The following GMCL1 variants were observed in gnomAD, a reference collection of about 807,000 sequenced individuals.
GMCL1 encodes the protein germ cell-less 1, spermatogenesis associated, also known as germ cell-less protein-like 1.
Under a neutral mutation model 75.5 loss-of-function variants are expected in GMCL1, and 54 were observed. The observed-to-expected ratio is 0.71, with a 90% confidence interval of 0.57 to 0.90. The LOEUF (loss-of-function observed/expected upper bound fraction) is 0.90, where lower values mean the gene tolerates loss of function less well. Ranked by LOEUF, GMCL1 falls within the 40% of genes least tolerant of loss-of-function variation. The pLI, the probability that GMCL1 is intolerant of heterozygous loss-of-function variation, is 0.00. For missense variants in GMCL1, 537 were observed against 622.7 expected (o/e 0.86, Z 1.47); for synonymous variants, 210 against 209.6 (o/e 1.00, Z -0.02).
In GMCL1 at chr2:69,863,596, C is replaced by T. The variant is rs369028953; in HGVS notation, c.1143-1304C>T. 1.7e-4 allele frequency among the ~76,000 whole-genome samples: 26 copies of T among 152,298 alleles called. No individual in the cohort carries two copies. In the East Asian group the frequency reaches 4.2e-3, roughly 25 times the overall value. On this transcript the variant is annotated intron_variant, in intron 10 of 13. Transcript: ENST00000282570. The stretch of plus-strand genomic sequence containing the variant: ...GTATTGCTGTTCAAGATTATTGAAG[C>T]TAGATGGTAAGAAAATTTGGCTCAT...
chr2:69,859,625 A>G (rs1004863946), intron 9 of GMCL1, among the ~76,000 whole-genome samples: 1 of 151,550 alleles, frequency 6.6e-6, no homozygotes, highest in Non-Finnish European at 1.5e-5. Flanking sequence ...AGTCCCAGCT[A>G]CTCTGGAGGC....
At position 69,878,906 on chromosome 2, in the gene GMCL1, T is replaced by C; in HGVS notation, c.1453-3T>C. The C allele has an allele frequency of 3.1e-6, 5 of 1,593,980 alleles. No individual in the cohort carries two copies. In the South Asian group the frequency reaches 3.3e-5, roughly 11 times the overall value. On this transcript the variant is annotated splice_region_variant and splice_polypyrimidine_tract_variant and intron_variant, in intron 13 of 13. Coordinates refer to ENST00000282570, the MANE Select transcript of GMCL1 (RefSeq NM_178439.5). Reference sequence around the variant, plus strand: ...TCATTGAATCTACAAATCTGTCTTATAGGAACAAGTGGTGATGAACTTGGA... The same window carrying C: ...TCATTGAATCTACAAATCTGTCTTACAGGAACAAGTGGTGATGAACTTGGA...
chr2:69,873,925 CAGTG>C (rs1239284415), intron 13 of GMCL1: 7 of 163,390 alleles, frequency 4.3e-5, no homozygotes, highest in African/African-American at 1.7e-4. Context: ...GTGCATCAGA[CAGTG>C]AGGTAGTAAT....
At chr2:69,850,078 A>G (rs1343892636) in intron 8 of GMCL1, among the ~76,000 whole-genome samples, 2 of 152,128 alleles carry the variant, frequency 1.3e-5, no homozygotes, top group Non-Finnish European at 2.9e-5. Flanking sequence ...TCTTGACCAC[A>G]CTGAGTTTTC....
chr2:69,833,218 T>C (rs893910885), intron 1 of GMCL1, among the ~76,000 whole-genome samples: 1 of 152,234 alleles, frequency 6.6e-6, no homozygotes, highest in Non-Finnish European at 1.5e-5. Flanking sequence ...GGAAAGTTTT[T>C]AAGGCAAACC....
At chr2:69,863,651 G>C (rs887212380) in intron 10 of GMCL1, among the ~76,000 whole-genome samples, 1 of 152,164 alleles carries the variant, frequency 6.6e-6, no homozygotes, top group Non-Finnish European at 1.5e-5. Context: ...TATGTTTGTA[G>C]TTTTTCGTAA....
chr2:69,840,597 T>C (rs559740318), intron 3 of GMCL1, among the ~76,000 whole-genome samples: 15 of 152,274 alleles, frequency 9.9e-5, no homozygotes, highest in African/African-American at 3.1e-4. Flanking sequence ...AAGATTATCT[T>C]TGAGTCTGCG....
At chr2:69,872,224 C>T (rs912662773) in intron 13 of GMCL1, among the ~76,000 whole-genome samples, 2 of 152,110 alleles carry the variant, frequency 1.3e-5, no homozygotes, top group African/African-American at 2.4e-5. Context: ...TGTATGTCTC[C>T]ATAGCTCCGA....
intron 1 of GMCL1, among the ~76,000 whole-genome samples, chr2:69,830,830 A>G (rs1402538419): frequency 1.3e-5 from 2 of 150,434 alleles, no homozygotes; most frequent in African/African-American, 4.9e-5. Flanking sequence ...TGTAGTTTAT[A>G]GGTAGAATAT....
At chr2:69,838,179 C>G (rs1674873605) in intron 2 of GMCL1, among the ~76,000 whole-genome samples, 1 of 151,508 alleles carries the variant, frequency 6.6e-6, no homozygotes. Context: ...TTTAAAAATT[C>G]AGAACTTTCA....
At chr2:69,853,148 A>G (rs931127915) in intron 8 of GMCL1, among the ~76,000 whole-genome samples, 1 of 152,300 alleles carries the variant, frequency 6.6e-6, no homozygotes, top group Middle Eastern at 3.4e-3. Context: ...TTAGATTTTT[A>G]TATCTTGTTC....
intron 6 of GMCL1, among the ~76,000 whole-genome samples, chr2:69,847,122 A>G (rs1675171388): frequency 1.3e-5 from 2 of 151,438 alleles, no homozygotes; most frequent in African/African-American, 4.9e-5. Flanking sequence ...GTGAGCCACT[A>G]TGCCTGGCCT....
rs751007320 is a variant in GMCL1 at position 69,844,116 on chromosome 2, A to G, written c.693-15A>G. The G allele has an allele frequency of 2.3e-4, 316 of 1,362,086 alleles. 3 individuals carry two copies. In the South Asian group the frequency reaches 3.0e-3, roughly 13 times the overall value. The allele number at this position is 1,362,086 out of a possible 1,614,324, so 84.4% of individuals were successfully genotyped here. On this transcript the variant is annotated splice_polypyrimidine_tract_variant and intron_variant, in intron 5 of 13. Transcript: ENST00000282570. ...ACATGGCATATAATGTAATAATTATATATTTTAATTTCAGGTGCCTTGAAT... is the reference window on the plus strand; with the variant it reads ...ACATGGCATATAATGTAATAATTATGTATTTTAATTTCAGGTGCCTTGAAT...
chr2:69,842,620 C>G (rs888473358), intron 4 of GMCL1: 22 of 152,030 alleles, frequency 1.4e-4, no homozygotes, highest in African/African-American at 5.3e-4. Flanking sequence ...CACTTAAAAC[C>G]TATATAAACA....
intron 9 of GMCL1, among the ~76,000 whole-genome samples, chr2:69,858,176 G>A (rs1382346404): frequency 3.3e-5 from 5 of 152,120 alleles, no homozygotes; most frequent in African/African-American, 1.2e-4. Context: ...TCCCCCTGCA[G>A]GCTGGGGAGG....
In GMCL1 at chr2:69,837,641, T is replaced by C. The variant is rs1257731140; in HGVS notation, c.355T>C (p.Trp119Arg). Reference sequence around the variant, plus strand: ...TAAGATTTGTGCTCTAGGAGAAGAATGGAGCTTACACAAAATATATTTATG... The same window carrying C: ...TAAGATTTGTGCTCTAGGAGAAGAACGGAGCTTACACAAAATATATTTATG... ...DIKICALGEE[W>R]SLHKIYLCQS... is the part of the protein sequence containing the mutation. The change falls in exon 2 of 14, where the codon TGG (tryptophan) becomes CGG (arginine). Residue 119 changes from tryptophan to arginine, a missense_variant. This residue lies in a region of GMCL1 where 48 missense variants were observed against 85.0 expected (regional missense o/e 0.56). Transcript: ENST00000282570. 6.2e-7 allele frequency: 1 copy of C among 1,602,690 alleles called. No individual in the cohort carries two copies. The highest frequency in any genetic ancestry group is 1.8e-5 in the Admixed American group (1 of 56,732).
intron 12 of GMCL1, among the ~76,000 whole-genome samples, chr2:69,871,514 C>T (rs539565649): frequency 7.9e-5 from 12 of 152,090 alleles, no homozygotes; most frequent in Non-Finnish European, 1.5e-4. Flanking sequence ...ATAAATGTTA[C>T]GTATATTTTA....
chr2:69,853,019 A>T (rs1476577989), intron 8 of GMCL1, among the ~76,000 whole-genome samples: 4 of 152,238 alleles, frequency 2.6e-5, no homozygotes, highest in Non-Finnish European at 5.9e-5. Context: ...AAGAAACTTT[A>T]AAACATTTTT....
intron 4 of GMCL1, 57 bp downstream of exon 4, chr2:69,841,096 G>A (rs1382392721): frequency 1.6e-6 from 2 of 1,241,624 alleles, no homozygotes; most frequent in African/African-American, 1.5e-5. Context: ...GTCTCAAAGT[G>A]TGTACTCCAA....
Sources: allele counts gnomAD v4.1 joint callset (sites outside exome capture counted in the v4.1 genomes callset), GRCh38; gene constraint gnomAD v4.1.1; regional missense constraint gnomAD v4.1.1; transcripts MANE v1.5; gene names NCBI Gene and HGNC (gene_info 2026-07-23, HGNC 2026-07-21).